Variants in WDR70 observed in about 807,000 individuals in gnomAD.
WDR70 encodes the protein WD repeat-containing protein 70.
Under a neutral mutation model 88.6 loss-of-function variants are expected in WDR70, and 53 were observed. The ratio of observed to expected loss-of-function variants is 0.60; its 90% CI spans 0.48 to 0.75. The LOEUF is 0.75. Ranked by LOEUF, WDR70 falls within the 30% of genes least tolerant of loss-of-function variation. The pLI is 0.00. For missense variants in WDR70, 610 were observed against 823.2 expected (o/e 0.74, Z 3.17); for synonymous variants, 280 against 270.0 (o/e 1.04, Z -0.36).
rs536253690 is a variant in WDR70 at position 37,502,281 on chromosome 5, T to G, written c.841-14233T>G. Among the ~76,000 whole-genome samples the G allele has an allele frequency of 1.6e-4, 24 of 152,266 alleles. No individual in the cohort carries two copies. The South Asian group carries it at 4.8e-3, about 30-fold the overall frequency. ...TGCCCTTTATTTTTTTTCTCTTGCC[T>G]GATTGCTCTAGCTAGGACTCCCAGT... On this transcript the variant is annotated intron_variant, in intron 8 of 17. Coordinates refer to ENST00000265107, the MANE Select transcript of WDR70 (RefSeq NM_018034.4).
intron 7 of WDR70, among the ~76,000 whole-genome samples, chr5:37,445,240 T>C (rs1038908164): frequency 2.0e-5 from 3 of 152,176 alleles, no homozygotes; most frequent in African/African-American, 7.2e-5. Flanking sequence ...TCTGATTCCT[T>C]CATTGTAAAG....
At chr5:37,506,939 C>G (rs1740577885) in intron 8 of WDR70, 1 of 766,702 alleles carries the variant, frequency 1.3e-6, no homozygotes, top group Non-Finnish European at 2.3e-6. Flanking sequence ...TCCCACCTTT[C>G]CCTTCCCTCC....
At chr5:37,567,077 C>A (rs2112395186) in intron 9 of WDR70, among the ~76,000 whole-genome samples, 1 of 152,148 alleles carries the variant, frequency 6.6e-6, no homozygotes, top group South Asian at 2.1e-4. Flanking sequence ...CAATTTTCTC[C>A]CCAGACATAG....
intron 10 of WDR70, among the ~76,000 whole-genome samples, chr5:37,696,113 T>G (rs1007190112): frequency 6.6e-6 from 1 of 152,200 alleles, no homozygotes; most frequent in African/African-American, 2.4e-5. Context: ...GCCAAGTCTT[T>G]TAGAAGCTAT....
chr5:37,439,665 T>A (rs1162403015), intron 6 of WDR70, among the ~76,000 whole-genome samples: 1 of 149,834 alleles, frequency 6.7e-6, no homozygotes, highest in Non-Finnish European at 1.5e-5. Context: ...TTGTTCTACA[T>A]GCAAATAAAT....
At chr5:37,694,805 C>T (rs1393980639) in intron 10 of WDR70, among the ~76,000 whole-genome samples, 1 of 151,596 alleles carries the variant, frequency 6.6e-6, no homozygotes, top group Admixed American at 6.6e-5. Context: ...TGTATCAAAC[C>T]TGCATATTGT....
At chr5:37,491,469 G>A (rs1458138700) in intron 8 of WDR70, among the ~76,000 whole-genome samples, 1 of 152,142 alleles carries the variant, frequency 6.6e-6, no homozygotes, top group South Asian at 2.1e-4. Context: ...CAACATGAAA[G>A]CAATTCTCTG....
intron 17 of WDR70, 137 bp from the exon 18 acceptor site, chr5:37,752,349 G>T: frequency 1.6e-6 from 1 of 611,798 alleles, no homozygotes. Context: ...TTTGCCAGAA[G>T]TTTAATGATT....
At chr5:37,735,332 T>TTC (rs1264898838) in intron 17 of WDR70, among the ~76,000 whole-genome samples, 1 of 152,186 alleles carries the variant, frequency 6.6e-6, no homozygotes, top group East Asian at 1.9e-4. Flanking sequence ...GAATTCGTGC[T>TTC]AGCATAATAG....
At chr5:37,433,489 G>A (rs1393635098) in intron 5 of WDR70, among the ~76,000 whole-genome samples, 1 of 152,118 alleles carries the variant, frequency 6.6e-6, no homozygotes, top group African/African-American at 2.4e-5. Flanking sequence ...CCTTTGAGAG[G>A]AATTGGCTCC....
intron 17 of WDR70, among the ~76,000 whole-genome samples, chr5:37,743,677 T>C (rs1748556817): frequency 3.3e-5 from 5 of 152,166 alleles, no homozygotes; most frequent in Admixed American, 3.3e-4. Flanking sequence ...CCTCTTCAGG[T>C]CTAACCCTGA....
At chr5:37,744,050 C>T (rs1215628459) in intron 17 of WDR70, among the ~76,000 whole-genome samples, 1 of 152,098 alleles carries the variant, frequency 6.6e-6, no homozygotes, top group Admixed American at 6.5e-5. Flanking sequence ...GGTTAGAGGT[C>T]CCAGAAGAAG....
chr5:37,552,040 G>A (rs999086919), intron 9 of WDR70, among the ~76,000 whole-genome samples: 1 of 151,828 alleles, frequency 6.6e-6, no homozygotes, highest in Non-Finnish European at 1.5e-5. Flanking sequence ...CCAAAGTGCT[G>A]GTATTACAGG....
chr5:37,426,513 C>A (rs573434439), intron 5 of WDR70, among the ~76,000 whole-genome samples: 2 of 152,148 alleles, frequency 1.3e-5, no homozygotes, highest in Non-Finnish European at 2.9e-5. Context: ...TTGAATCTCT[C>A]GTGTAGCTGC....
intron 7 of WDR70, among the ~76,000 whole-genome samples, chr5:37,478,718 T>C (rs1159287789): frequency 3.3e-5 from 5 of 152,238 alleles, no homozygotes; most frequent in Non-Finnish European, 7.3e-5. Flanking sequence ...AGTCATTGAA[T>C]GTGGGCTGTT....
chr5:37,671,742 A>C (rs1746032086), intron 10 of WDR70, among the ~76,000 whole-genome samples: 1 of 152,180 alleles, frequency 6.6e-6, no homozygotes, highest in Non-Finnish European at 1.5e-5. Context: ...CTAGGCAGCT[A>C]CTGGATATAA....
chr5:37,697,595 A>C, intron 10 of WDR70, 60 bp from the exon 11 acceptor site: 1 of 1,395,712 alleles, frequency 7.2e-7, no homozygotes, highest in Non-Finnish European at 1.0e-6. Flanking sequence ...TTCTTGCCAC[A>C]AAACTGTTCT....
chr5:37,577,486 A>G (rs1405853514), intron 9 of WDR70, among the ~76,000 whole-genome samples: 1 of 152,156 alleles, frequency 6.6e-6, no homozygotes, highest in Non-Finnish European at 1.5e-5. Context: ...CAATCAATCA[A>G]AAAAATAATT....
At chr5:37,719,850 T>C (rs1280800319) in intron 13 of WDR70, among the ~76,000 whole-genome samples, 1 of 151,398 alleles carries the variant, frequency 6.6e-6, no homozygotes, top group Non-Finnish European at 1.5e-5. Flanking sequence ...CTTTCTTTTT[T>C]TTTTTTTTAA....
Sources: gnomAD v4.1 joint callset for allele counts (sites outside exome capture counted in the v4.1 genomes callset) on GRCh38, gnomAD v4.1.1 for gene constraint, MANE v1.5 for transcripts, NCBI Gene and HGNC (gene_info 2026-07-23, HGNC 2026-07-21) for gene names.